The following SNX14 variants were observed in gnomAD, a reference collection of about 807,000 sequenced individuals.
The protein encoded by SNX14 is sorting nexin-14.
SNX14 carries 93 observed loss-of-function variants against 133.8 expected under a neutral mutation model. The observed-to-expected ratio is 0.70, with a 90% CI of 0.59 to 0.83. The LOEUF is 0.83. SNX14 is among the 40% of genes least tolerant of loss of function. SNX14 has a pLI of 0.00. For synonymous variants in SNX14, 368 were observed against 365.6 expected, an observed-to-expected ratio of 1.01 and a Z score of -0.07; for missense variants, 945 against 1,094.9, an observed-to-expected ratio of 0.86 and a Z score of 1.93.
At chr6:85,591,653 C>G (rs1802788867) in intron 1 of SNX14, among the ~76,000 whole-genome samples, 2 of 152,262 alleles carry the variant, frequency 1.3e-5, no homozygotes, top group East Asian at 3.9e-4. Context: ...GATGGCTCTC[C>G]TACCTTAGAA....
intron 6 of SNX14, among the ~76,000 whole-genome samples, chr6:85,563,934 ATGACAGGTCC>A (rs1792801320): frequency 6.6e-6 from 1 of 151,150 alleles, no homozygotes; most frequent in East Asian, 2.0e-4. Context: ...CCCCCACCCC[ATGACAGGTCC>A]TGGTGTGTGA....
intron 21 of SNX14, among the ~76,000 whole-genome samples, 169 bp downstream of exon 21, chr6:85,525,957 A>G (rs1303768233): frequency 1.3e-5 from 2 of 152,194 alleles, no homozygotes; most frequent in Admixed American, 6.5e-5. Flanking sequence ...AAATAATCAG[A>G]ACTCAAAATG....
Position 85,580,500 on chromosome 6 carries a change from G to A in SNX14, c.141-6122C>T, listed in dbSNP as rs937482691. Among the ~76,000 whole-genome samples the A allele has an allele frequency of 5.9e-5, 9 of 152,182 alleles. No individual in the cohort carries two copies. The East Asian group carries it at 1.2e-3, about 20-fold the overall frequency. ...GATGTCGTCTTACAGCTCAGGTACC[G>A]GCTTGGCCAGTGGGGTAGAGGACCA... is the stretch of plus-strand genomic sequence containing the variant. On this transcript the variant is annotated intron_variant, in intron 1 of 28. Coordinates refer to ENST00000314673, the MANE Select transcript of SNX14 (RefSeq NM_153816.6).
At chr6:85,515,006 T>C (rs1256021322) in intron 23 of SNX14, among the ~76,000 whole-genome samples, 1 of 152,168 alleles carries the variant, frequency 6.6e-6, no homozygotes, top group Non-Finnish European at 1.5e-5. Flanking sequence ...GGCTCACGCC[T>C]GTAATCTCAG....
Position 85,535,708 on chromosome 6 carries a change from A to C in SNX14, c.1608+1084T>G, listed in dbSNP as rs574366288. ...ATTAATAAAAAAAGGTTTAAATAAG[A>C]TTTTATTCCATTTAAATTATTATGA... On this transcript the variant is annotated intron_variant, in intron 17 of 28. Coordinates refer to ENST00000314673, the MANE Select transcript of SNX14 (RefSeq NM_153816.6). 3.3e-5 allele frequency among the ~76,000 whole-genome samples: 5 copies of C among 152,198 alleles called. No homozygotes were observed. The South Asian group carries it at 1.0e-3, about 32-fold the overall frequency.
intron 21 of SNX14, 132 bp downstream of exon 21, chr6:85,525,994 T>G: frequency 1.9e-6 from 1 of 523,456 alleles, no homozygotes; most frequent in Non-Finnish European, 3.3e-6. Context: ...CATCTGACAA[T>G]TTATCTCTAA....
chr6:85,506,745 A>G (rs1454901482), intron 28 of SNX14, among the ~76,000 whole-genome samples: 1 of 152,262 alleles, frequency 6.6e-6, no homozygotes, highest in Non-Finnish European at 1.5e-5. Flanking sequence ...TAGTCAAAAA[A>G]TAAGACAGAA....
intron 17 of SNX14, 118 bp downstream of exon 17, chr6:85,536,673 TA>T (rs1413549166): frequency 2.3e-6 from 2 of 860,068 alleles, no homozygotes; most frequent in East Asian, 2.8e-5. Flanking sequence ...AAGATAAAGG[TA>T]AAGTATTAAA....
At chr6:85,540,775 T>C (rs1783459859) in intron 15 of SNX14, among the ~76,000 whole-genome samples, 2 of 152,190 alleles carry the variant, frequency 1.3e-5, no homozygotes, top group African/African-American at 4.8e-5. Flanking sequence ...GTACTAACTA[T>C]CTAAAACATT....
chr6:85,519,954 A>G (rs1776282787), intron 21 of SNX14, among the ~76,000 whole-genome samples: 1 of 152,186 alleles, frequency 6.6e-6, no homozygotes, highest in South Asian at 2.1e-4. Flanking sequence ...TCTGTCTCTA[A>G]AAACCATAAT....
At chr6:85,522,014 T>C (rs1364286226) in intron 21 of SNX14, among the ~76,000 whole-genome samples, 1 of 152,246 alleles carries the variant, frequency 6.6e-6, no homozygotes, top group Non-Finnish European at 1.5e-5. Flanking sequence ...TTCCCCCATG[T>C]AGGTTCTTGA....
chr6:85,537,874 G>C (rs1025365165), intron 16 of SNX14, among the ~76,000 whole-genome samples: 2 of 152,148 alleles, frequency 1.3e-5, no homozygotes, highest in East Asian at 3.9e-4. Context: ...ACTTGGACCC[G>C]CAAGATTGCA....
rs927434254 is a variant in SNX14 at position 85,526,093 on chromosome 6, A to T, written c.2107+33T>A. The T allele has an allele frequency of 2.2e-6, 3 of 1,347,418 alleles. No individual in the cohort carries two copies. The African/African-American group carries it at 4.4e-5, about 20-fold the overall frequency. 83.5% of individuals were successfully genotyped at this position (1,347,418 alleles called of 1,614,324 possible). A position where few individuals can be genotyped will look rare whatever the true frequency, so the allele number is the denominator to read the frequency against. On this transcript the variant is annotated intron_variant, in intron 21 of 28. Transcript: ENST00000314673. ...TGAAAATGCTGATTCTTTTCAGCTTATTATCTTATAATGATTCTTTAAATT... is the reference window on the plus strand; with the variant it reads ...TGAAAATGCTGATTCTTTTCAGCTTTTTATCTTATAATGATTCTTTAAATT...
At chr6:85,544,958 T>C (rs949624429) in intron 12 of SNX14, among the ~76,000 whole-genome samples, 1 of 152,228 alleles carries the variant, frequency 6.6e-6, no homozygotes, top group African/African-American at 2.4e-5. Flanking sequence ...TCCACACATG[T>C]GTAGAAGCCT....
At chr6:85,523,949 T>G (rs16876352) in intron 21 of SNX14, among the ~76,000 whole-genome samples, 1 of 152,090 alleles carries the variant, frequency 6.6e-6, no homozygotes, top group African/African-American at 2.4e-5. Flanking sequence ...TCAGACTACA[T>G]TTAGGCAGGC....
intron 21 of SNX14, among the ~76,000 whole-genome samples, chr6:85,521,923 G>A (rs1385609868): frequency 6.6e-6 from 1 of 152,072 alleles, no homozygotes; most frequent in African/African-American, 2.4e-5. Context: ...TTTTTATTAT[G>A]TGATTGATAG....
chr6:85,565,299 C>T (rs1793423911), intron 6 of SNX14, 33 bp downstream of exon 6: 2 of 1,414,302 alleles, frequency 1.4e-6, no homozygotes, highest in South Asian at 2.6e-5. Context: ...GATAAAGCCC[C>T]AAATTCCCAA....
chr6:85,530,527 C>A (rs1779906070), intron 18 of SNX14, among the ~76,000 whole-genome samples: 1 of 151,864 alleles, frequency 6.6e-6, no homozygotes, highest in African/African-American at 2.4e-5. Flanking sequence ...CACCTGTAGT[C>A]CCAGCTACTC....
At chr6:85,570,730 G>A (rs1441017234) in intron 4 of SNX14, among the ~76,000 whole-genome samples, 2 of 152,016 alleles carry the variant, frequency 1.3e-5, no homozygotes, top group Non-Finnish European at 2.9e-5. Flanking sequence ...GTGTGCGCTT[G>A]TAGTCCCAGC....
Sources: gnomAD v4.1 joint callset for allele counts (sites outside exome capture counted in the v4.1 genomes callset) on GRCh38, gnomAD v4.1.1 for gene constraint, MANE v1.5 for transcripts, NCBI Gene and HGNC (gene_info 2026-07-23, HGNC 2026-07-21) for gene names.